ITSN1: variants seen among roughly 807,000 people sequenced by gnomAD.
The protein encoded by ITSN1 is intersectin-1.
In ITSN1, 58 loss-of-function variants were observed where a neutral mutation model predicts 239.8. The ratio of observed to expected loss-of-function variants is 0.24; its 90% confidence interval spans 0.20 to 0.30. The LOEUF (loss-of-function observed/expected upper bound fraction) is 0.30, where lower values mean the gene tolerates loss of function less well. Ranked by LOEUF, ITSN1 falls within the 10% of genes least tolerant of loss-of-function variation. The pLI is 1.00. For missense variants in ITSN1, 1,558 were observed against 2,103.3 expected (o/e 0.74, Z 5.07); for synonymous variants, 780 against 770.8 (o/e 1.01, Z -0.20).
chr21:33,753,461 T>C (rs1377085054), intron 7 of ITSN1, among the ~76,000 whole-genome samples: 1 of 152,018 alleles, frequency 6.6e-6, no homozygotes, highest in Non-Finnish European at 1.5e-5. Context: ...CTAAGTTCCT[T>C]TTTAAAAAAA....
At position 33,892,447 on chromosome 21, in the gene ITSN1, C is replaced by A. The variant is rs1008155548; in HGVS notation, c.*4147C>A. 1 of 152,182 alleles carries A rather than the reference C, an allele frequency of 6.6e-6. No homozygotes were observed. The highest frequency in any genetic ancestry group is 1.5e-5 in the Non-Finnish European group (1 of 68,044). The allele number at this position is 152,182 out of a possible 1,614,324, so 9.4% of individuals were successfully genotyped here. ...TTCTCCTCCTTTTCCCTGGAGTGGACCAGTGAGACCAAATGCTTGTGTTTC... is the reference window on the plus strand; with the variant it reads ...TTCTCCTCCTTTTCCCTGGAGTGGAACAGTGAGACCAAATGCTTGTGTTTC... On this transcript the variant is annotated 3_prime_UTR_variant, in exon 40 of 40. Coordinates refer to ENST00000381318, the MANE Select transcript of ITSN1 (RefSeq NM_003024.3).
chr21:33,814,756 T>A (rs764858646), intron 22 of ITSN1, among the ~76,000 whole-genome samples: 3 of 151,596 alleles, frequency 2.0e-5, no homozygotes, highest in Non-Finnish European at 4.4e-5. Flanking sequence ...TGCAGGAAGA[T>A]TAGAGTGGAG....
Position 33,811,106 on chromosome 21 carries a change from T to C in ITSN1, c.2451T>C (p.Thr817=). 6.2e-7 allele frequency: 1 copy of C among 1,614,216 alleles called. No individual in the cohort carries two copies. Among genetic ancestry groups the C allele is most frequent in the Non-Finnish European group, 8.5e-7 (1 of 1,180,024 alleles). ...NEVPAPVKPV[T]DSTSAPAPKL... is the part of the protein sequence containing the mutation. Reference sequence around the variant, plus strand: ...TTCCCGCTCCAGTGAAACCAGTGACTGATTCAACATCTGCCCCTGCCCCCA... The same window carrying C: ...TTCCCGCTCCAGTGAAACCAGTGACCGATTCAACATCTGCCCCTGCCCCCA... Residue 817 remains threonine (T), a synonymous_variant, in exon 21 of 40, where the codon ACT becomes ACC. Transcript: ENST00000381318.
chr21:33,836,162 C>T (rs537460238), intron 28 of ITSN1, among the ~76,000 whole-genome samples: 5 of 152,112 alleles, frequency 3.3e-5, no homozygotes, highest in South Asian at 4.2e-4. Flanking sequence ...CGAAAGCCCT[C>T]GATTAGCACT....
At chr21:33,701,539 TCC>T (rs2092010232) in intron 1 of ITSN1, among the ~76,000 whole-genome samples, 1 of 151,870 alleles carries the variant, frequency 6.6e-6, no homozygotes, top group Non-Finnish European at 1.5e-5. Context: ...ACGCCTGTAA[TCC>T]CAGCACTTTG....
At chr21:33,832,199 C>T (rs1300152182) in intron 27 of ITSN1, among the ~76,000 whole-genome samples, 4 of 152,174 alleles carry the variant, frequency 2.6e-5, no homozygotes, top group Non-Finnish European at 4.4e-5. Flanking sequence ...TTCTCACCAG[C>T]GGCCAACCAG....
chr21:33,797,534 A>T lies in ITSN1; in HGVS notation c.2108A>T (p.Asp703Val). ...GEEKGKQEAQ[D>V]KLGRLFHQHQ... The stretch of plus-strand genomic sequence containing the variant: ...GAAAAAGGCAAACAGGAAGCACAAG[A>T]CAAGCTGGGTCGGCTTTTCCATCAA... The change falls in exon 18 of 40, where the codon GAC (aspartate) becomes GTC (valine). Residue 703 changes from aspartate to valine, a missense_variant. Physicochemically the swap from Asp to Val is radical, Grantham distance 152. Transcript: ENST00000381318. The surrounding 1 kb of genome is among the most constrained non-coding windows in gnomAD (Gnocchi z 4.9). The T allele has an allele frequency of 1.2e-6, 2 of 1,614,162 alleles. No individual in the cohort carries two copies. The highest frequency in any genetic ancestry group is 2.2e-5 in the South Asian group (2 of 91,080).
intron 29 of ITSN1, among the ~76,000 whole-genome samples, chr21:33,848,900 A>T (rs1399005360): frequency 1.3e-5 from 2 of 152,170 alleles, no homozygotes; most frequent in African/African-American, 4.8e-5. Context: ...TCCCCTGCTA[A>T]ATATTTTCAA....
chr21:33,796,613 G>A (rs922015165), intron 17 of ITSN1, among the ~76,000 whole-genome samples: 1 of 152,158 alleles, frequency 6.6e-6, no homozygotes, highest in African/African-American at 2.4e-5. Context: ...ATGCATGTAT[G>A]GCTGTGTGAC....
intron 20 of ITSN1, among the ~76,000 whole-genome samples, chr21:33,804,593 G>T (rs2250452): frequency 0.14 from 21,188 of 152,132 alleles, 1,906 homozygotes; most frequent in East Asian, 0.28. Context: ...GCTTAGATGC[G>T]TAGAAAATAC....
intron 1 of ITSN1, among the ~76,000 whole-genome samples, chr21:33,710,596 G>C (rs560497660): frequency 6.6e-6 from 1 of 151,602 alleles, no homozygotes; most frequent in Non-Finnish European, 1.5e-5. Context: ...AATGATTTTT[G>C]TATCTGTATT....
At chr21:33,715,036 A>G (rs2065056708) in intron 1 of ITSN1, among the ~76,000 whole-genome samples, 1 of 152,170 alleles carries the variant, frequency 6.6e-6, no homozygotes, top group African/African-American at 2.4e-5. Context: ...TTCTTAATAA[A>G]ATTATAAAAA....
At chr21:33,808,427 A>G (rs1015955001) in intron 20 of ITSN1, among the ~76,000 whole-genome samples, 1 of 151,730 alleles carries the variant, frequency 6.6e-6, no homozygotes, top group Non-Finnish European at 1.5e-5. Flanking sequence ...TCTACTAAAA[A>G]TACAGAAATT....
At chr21:33,779,559 T>A (rs1438067452) in intron 14 of ITSN1, among the ~76,000 whole-genome samples, 3 of 152,206 alleles carry the variant, frequency 2.0e-5, no homozygotes, top group Admixed American at 6.5e-5. Context: ...TTAGATCAAG[T>A]TGATTCATGG....
intron 33 of ITSN1, among the ~76,000 whole-genome samples, chr21:33,867,584 T>A: frequency 6.6e-6 from 1 of 151,410 alleles, no homozygotes; most frequent in East Asian, 1.9e-4. Context: ...GCAGATCGCT[T>A]GAGCCCAGAA....
In ITSN1 at chr21:33,891,530, C is replaced by G. The variant is rs1271967511; in HGVS notation, c.*3230C>G. 1 of 151,668 alleles carries G rather than the reference C, an allele frequency of 6.6e-6. No individual in the cohort carries two copies. The highest frequency in any genetic ancestry group is 1.9e-4 in the East Asian group (1 of 5,190). The allele number at this position is 151,668 out of a possible 1,614,324, so 9.4% of individuals were successfully genotyped here. On this transcript the variant is annotated 3_prime_UTR_variant, in exon 40 of 40. Coordinates refer to ENST00000381318, the MANE Select transcript of ITSN1 (RefSeq NM_003024.3). ...TATCTCGGTGACCTGGTACCAAAGC[C>G]CAGGTGTCCTCCAGGGGAGTATTCT...
intron 31 of ITSN1, among the ~76,000 whole-genome samples, chr21:33,864,037 C>A (rs889775986): frequency 2.0e-5 from 3 of 152,212 alleles, no homozygotes; most frequent in African/African-American, 7.2e-5. Context: ...GTCCAAGGGA[C>A]TTTATTTTAG....
At chr21:33,848,162 C>T (rs868396329) in intron 29 of ITSN1, among the ~76,000 whole-genome samples, 5 of 152,212 alleles carry the variant, frequency 3.3e-5, no homozygotes, top group African/African-American at 4.8e-5. Flanking sequence ...CAGATTCACA[C>T]GTTGAAGCCC....
rs371385255 is a variant in ITSN1 at position 33,704,810 on chromosome 21, C to T, written c.-32-13987C>T. On this transcript the variant is annotated intron_variant, in intron 1 of 39. Coordinates refer to ENST00000381318, the MANE Select transcript of ITSN1 (RefSeq NM_003024.3). ...AATCAGTTGTAAAGACAATCTTGGC[C>T]GGGCGCGGTGGCTCACACCTGTAAT... Among the ~76,000 whole-genome samples, 21 of 151,176 alleles carry T rather than the reference C, an allele frequency of 1.4e-4. No homozygotes were observed. In the South Asian group the frequency reaches 2.9e-3, roughly 21 times the overall value.
Sources: allele counts gnomAD v4.1 joint callset (sites outside exome capture counted in the v4.1 genomes callset), GRCh38; gene constraint gnomAD v4.1.1; non-coding constraint Gnocchi (gnomAD v3.1); transcripts MANE v1.5; gene names NCBI Gene and HGNC (gene_info 2026-07-23, HGNC 2026-07-21).